TMPRSS11D: variants seen among roughly 807,000 people sequenced by gnomAD.
TMPRSS11D encodes transmembrane protease serine 11D.
Under a neutral mutation model 44.4 loss-of-function variants are expected in TMPRSS11D, and 32 were observed. The ratio of observed to expected loss-of-function variants is 0.72; its 90% CI spans 0.54 to 0.97. TMPRSS11D has a LOEUF of 0.97. Ranked by LOEUF, TMPRSS11D falls within the 50% of genes least tolerant of loss-of-function variation. TMPRSS11D has a pLI of 0.00. For synonymous variants in TMPRSS11D, 179 were observed against 177.9 expected, an observed-to-expected ratio of 1.01 and a Z score of -0.05; for missense variants, 446 against 502.6, an observed-to-expected ratio of 0.89 and a Z score of 1.08.
intron 1 of TMPRSS11D, among the ~76,000 whole-genome samples, chr4:67,876,031 C>G (rs1180839098): frequency 4.6e-5 from 7 of 152,188 alleles, no homozygotes; most frequent in Non-Finnish European, 2.9e-5. Context: ...TTCTTTCTGT[C>G]TCCTGAACAA....
chr4:67,883,448 A>C lies in TMPRSS11D; in HGVS notation c.8+478T>G, dbSNP rs192706382. Among the ~76,000 whole-genome samples the C allele has an allele frequency of 4.3e-3, 661 of 152,188 alleles. 2 individuals carry two copies. Among genetic ancestry groups the C allele is most frequent in the African/African-American group, 9.1e-3 (378 of 41,568 alleles). ...TTCTTGAAAATAATTCTACAACTAT[A>C]TAAAAAGTAGAAAAATACCGTCTTT... is the stretch of plus-strand genomic sequence containing the variant. On this transcript the variant is annotated intron_variant, in intron 1 of 9. Transcript: ENST00000283916.
At chr4:67,838,691 A>G (rs1187186473) in intron 4 of TMPRSS11D, among the ~76,000 whole-genome samples, 1 of 152,106 alleles carries the variant, frequency 6.6e-6, no homozygotes, top group Non-Finnish European at 1.5e-5. Context: ...CAAAACTTCA[A>G]AGAAGAGTCA....
chr4:67,844,252 A>C (rs376522085), intron 3 of TMPRSS11D, among the ~76,000 whole-genome samples: 12 of 152,118 alleles, frequency 7.9e-5, no homozygotes, highest in African/African-American at 2.9e-4. Context: ...AAAATGGTAA[A>C]ATTTATGCAA....
intron 1 of TMPRSS11D, among the ~76,000 whole-genome samples, chr4:67,861,370 T>C (rs1718788197): frequency 6.6e-6 from 1 of 152,144 alleles, no homozygotes; most frequent in Non-Finnish European, 1.5e-5. Context: ...CACAAATGCA[T>C]AGTGTCTGGT....
intron 1 of TMPRSS11D, among the ~76,000 whole-genome samples, chr4:67,882,161 AT>A (rs143350132): frequency 0.016 from 2,507 of 152,228 alleles, 60 homozygotes; most frequent in African/African-American, 0.055. Context: ...TGGGAGTTTA[AT>A]TTTTTATAAA....
At chr4:67,831,200 T>G (rs1346271299) in intron 7 of TMPRSS11D, among the ~76,000 whole-genome samples, 1 of 152,058 alleles carries the variant, frequency 6.6e-6, no homozygotes, top group East Asian at 1.9e-4. Context: ...TGGAACTCAA[T>G]GGAGAGGAAA....
chr4:67,862,843 T>C (rs2109692128), intron 1 of TMPRSS11D, among the ~76,000 whole-genome samples: 1 of 150,532 alleles, frequency 6.6e-6, no homozygotes, highest in South Asian at 2.1e-4. Context: ...CGCTCATAGG[T>C]GGGAATTGAA....
At chr4:67,823,773 G>A (rs1407515532) in intron 9 of TMPRSS11D, among the ~76,000 whole-genome samples, 1 of 152,040 alleles carries the variant, frequency 6.6e-6, no homozygotes, top group Non-Finnish European at 1.5e-5. Context: ...GATGACATAT[G>A]CATGCTTCAG....
At chr4:67,836,545 C>T (rs1718095570) in intron 5 of TMPRSS11D, among the ~76,000 whole-genome samples, 1 of 152,134 alleles carries the variant, frequency 6.6e-6, no homozygotes, top group Non-Finnish European at 1.5e-5. Context: ...AAAAAGCTGG[C>T]CATTCTTAAT....
At chr4:67,851,897 G>A (rs1483488213) in intron 3 of TMPRSS11D, among the ~76,000 whole-genome samples, 1 of 152,140 alleles carries the variant, frequency 6.6e-6, no homozygotes, top group African/African-American at 2.4e-5. Flanking sequence ...TCTGGCGCCT[G>A]GTGTATCTCT....
chr4:67,871,149 A>G (rs1271931546), intron 1 of TMPRSS11D, among the ~76,000 whole-genome samples: 1 of 11,836 alleles, frequency 8.4e-5, no homozygotes, highest in East Asian at 0.17. Flanking sequence ...AAGGAAGGTG[A>G]TGAATACCAA....
rs75559634 is a variant in TMPRSS11D at position 67,822,118 on chromosome 4, A to C, written c.*219T>G. 1 of 484,212 alleles carries C rather than the reference A, an allele frequency of 2.1e-6. No individual in the cohort carries two copies. Among genetic ancestry groups the C allele is most frequent in the African/African-American group, 1.9e-5 (1 of 52,126 alleles). 30.0% of individuals were successfully genotyped at this position (484,212 alleles called of 1,614,324 possible). A position where few individuals can be genotyped will look rare whatever the true frequency, so the allele number is the denominator to read the frequency against. ...TAGTTTAGTGTGTTTCTTCTGTTAC[A>C]CAGCCACAGTACTATGCAACATTCA... On this transcript the variant is annotated 3_prime_UTR_variant, in exon 10 of 10. Transcript: ENST00000283916.
At chr4:67,868,585 T>C (rs923586348) in intron 1 of TMPRSS11D, among the ~76,000 whole-genome samples, 3 of 152,120 alleles carry the variant, frequency 2.0e-5, no homozygotes, top group Non-Finnish European at 4.4e-5. Context: ...AAGTGCAAAG[T>C]ATGTTTGGCG....
Position 67,822,178 on chromosome 4 carries a change from A to G in TMPRSS11D, c.*159T>C. 3 of 818,694 alleles carry G rather than the reference A, an allele frequency of 3.7e-6. No individual in the cohort carries two copies. The highest frequency in any genetic ancestry group is 4.1e-5 in the South Asian group (2 of 48,860). 50.7% of individuals were successfully genotyped at this position (818,694 alleles called of 1,614,324 possible). On this transcript the variant is annotated 3_prime_UTR_variant, in exon 10 of 10. Coordinates refer to ENST00000283916, the MANE Select transcript of TMPRSS11D (RefSeq NM_004262.3). ...CTGGAGAAAATAGAAAACCTTTAAT[A>G]ATAAAGAAAGGTTAAACAGTGTTTG... is the stretch of plus-strand genomic sequence containing the variant.
intron 1 of TMPRSS11D, among the ~76,000 whole-genome samples, chr4:67,877,437 T>TG (rs1394528224): frequency 6.6e-6 from 1 of 152,198 alleles, no homozygotes; most frequent in Non-Finnish European, 1.5e-5. Context: ...ACAAGTAGCC[T>TG]GGGGGATTCA....
chr4:67,845,997 G>A (rs1718346606), intron 3 of TMPRSS11D, among the ~76,000 whole-genome samples: 1 of 152,074 alleles, frequency 6.6e-6, no homozygotes, highest in Admixed American at 6.6e-5. Context: ...ACCTTCTTTA[G>A]TGCATTATTA....
intron 3 of TMPRSS11D, among the ~76,000 whole-genome samples, chr4:67,851,749 G>A (rs1718515559): frequency 6.6e-6 from 1 of 152,138 alleles, no homozygotes; most frequent in African/African-American, 2.4e-5. Context: ...TCTAGCCAAT[G>A]GCACCATTAT....
chr4:67,843,104 CTTTTT>C (rs35756612), intron 3 of TMPRSS11D, among the ~76,000 whole-genome samples: 3 of 109,420 alleles, frequency 2.7e-5, no homozygotes, highest in Non-Finnish European at 5.7e-5. Flanking sequence ...AAAGGGCAGT[CTTTTT>C]TTTTTTTTTT....
At chr4:67,845,264 G>T (rs1457401040) in intron 3 of TMPRSS11D, among the ~76,000 whole-genome samples, 2 of 152,116 alleles carry the variant, frequency 1.3e-5, no homozygotes, top group African/African-American at 4.8e-5. Context: ...TCACAGAGTG[G>T]GTGAAAATGT....
Sources: gnomAD v4.1 joint callset for allele counts (sites outside exome capture counted in the v4.1 genomes callset) on GRCh38, gnomAD v4.1.1 for gene constraint, MANE v1.5 for transcripts, NCBI Gene and HGNC (gene_info 2026-07-23, HGNC 2026-07-21) for gene names.